The following ZCCHC7 variants were observed in gnomAD, a reference collection of about 807,000 sequenced individuals.
The protein encoded by ZCCHC7 is zinc finger CCHC domain-containing protein 7.
Under a neutral mutation model 52.0 loss-of-function variants are expected in ZCCHC7, and 35 were observed. The observed-to-expected ratio is 0.67, with a 90% confidence interval of 0.51 to 0.89. The LOEUF (loss-of-function observed/expected upper bound fraction) is 0.89. ZCCHC7 is among the 40% of genes least tolerant of loss of function. ZCCHC7 has a pLI of 0.00. For synonymous variants in ZCCHC7, 217 were observed against 221.5 expected, an observed-to-expected ratio of 0.98 and a Z score of 0.18; for missense variants, 574 against 649.1, an observed-to-expected ratio of 0.88 and a Z score of 1.26.
intron 2 of ZCCHC7, among the ~76,000 whole-genome samples, chr9:37,267,537 C>T (rs1320404867): frequency 6.6e-6 from 1 of 150,402 alleles, no homozygotes; most frequent in East Asian, 1.9e-4. Flanking sequence ...TCCTGGGTAG[C>T]TGGGACTACC....
Position 37,123,490 on chromosome 9 carries a change from T to G in ZCCHC7, c.-21-2822T>G, listed in dbSNP as rs555688908. On this transcript the variant is annotated intron_variant, in intron 1 of 8. Coordinates refer to ENST00000336755, the MANE Select transcript of ZCCHC7 (RefSeq NM_032226.3). The stretch of plus-strand genomic sequence containing the variant: ...TTTTTCTACATTTCAGGGAAAGAGA[T>G]AAATCCTTTGACCCAAGGAAGTCAG... 3.9e-5 allele frequency among the ~76,000 whole-genome samples: 6 copies of G among 152,344 alleles called. No individual in the cohort carries two copies. In the South Asian group the frequency reaches 1.2e-3, roughly 32 times the overall value.
chr9:37,317,133 T>C (rs1829858307), intron 5 of ZCCHC7, among the ~76,000 whole-genome samples: 1 of 152,170 alleles, frequency 6.6e-6, no homozygotes, highest in Non-Finnish European at 1.5e-5. Context: ...AAAAGACCCA[T>C]AGTGAAATTT....
intron 2 of ZCCHC7, among the ~76,000 whole-genome samples, chr9:37,230,638 C>T (rs1825354987): frequency 6.6e-6 from 1 of 151,936 alleles, no homozygotes; most frequent in African/African-American, 2.4e-5. Context: ...TATTTTTTCT[C>T]TCCATTGGAA....
chr9:37,226,299 G>A (rs1428727665), intron 2 of ZCCHC7, among the ~76,000 whole-genome samples: 4 of 152,062 alleles, frequency 2.6e-5, no homozygotes, highest in South Asian at 2.1e-4. Context: ...CTAAATAAAT[G>A]GAGAGTTATA....
chr9:37,203,319 T>TA (rs1171960810), intron 2 of ZCCHC7, among the ~76,000 whole-genome samples: 1 of 152,222 alleles, frequency 6.6e-6, no homozygotes, highest in Non-Finnish European at 1.5e-5. Context: ...ATTTTTTTTT[T>TA]ACTTTAAGTA....
intron 5 of ZCCHC7, among the ~76,000 whole-genome samples, chr9:37,311,420 T>TTA (rs201339451): frequency 0.012 from 1,899 of 152,242 alleles, 40 homozygotes; most frequent in African/African-American, 0.043. Flanking sequence ...ATTTATTTAT[T>TTA]TTTATTTTTA....
chr9:37,338,918 G>A (rs867463556), intron 6 of ZCCHC7, among the ~76,000 whole-genome samples: 1 of 151,978 alleles, frequency 6.6e-6, no homozygotes, highest in South Asian at 2.1e-4. Context: ...GTAATCACCC[G>A]ATAGACTAGA....
chr9:37,308,084 AT>A (rs1829416899), intron 5 of ZCCHC7, among the ~76,000 whole-genome samples: 1 of 152,118 alleles, frequency 6.6e-6, no homozygotes, highest in Non-Finnish European at 1.5e-5. Context: ...ATGATATTTT[AT>A]TGTTTTAATT....
At chr9:37,241,136 G>GT (rs1270466861) in intron 2 of ZCCHC7, among the ~76,000 whole-genome samples, 2 of 151,570 alleles carry the variant, frequency 1.3e-5, no homozygotes, top group Non-Finnish European at 3.0e-5. Context: ...TATTTTTCTT[G>GT]TTTTTTATTT....
intron 2 of ZCCHC7, among the ~76,000 whole-genome samples, chr9:37,190,023 C>G (rs1293897630): frequency 6.6e-6 from 1 of 152,228 alleles, no homozygotes; most frequent in African/African-American, 2.4e-5. Context: ...TAATCCTCCC[C>G]TCTTTATACT....
chr9:37,337,644 T>A (rs924471340), intron 6 of ZCCHC7, among the ~76,000 whole-genome samples: 6 of 152,110 alleles, frequency 3.9e-5, no homozygotes, highest in Admixed American at 2.6e-4. Context: ...ATTGCTTATT[T>A]ATGCAGTCCA....
chr9:37,130,235 CAAAAAAAA>C (rs33929421), intron 2 of ZCCHC7, among the ~76,000 whole-genome samples: 1 of 104,288 alleles, frequency 9.6e-6, no homozygotes, highest in Non-Finnish European at 2.0e-5. Context: ...GAGACTGTCT[CAAAAAAAA>C]AAAAAAAAAG....
intron 2 of ZCCHC7, among the ~76,000 whole-genome samples, chr9:37,160,857 T>C (rs2132898748): frequency 6.6e-6 from 1 of 152,100 alleles, no homozygotes; most frequent in Non-Finnish European, 1.5e-5. Context: ...TTGCACTCTA[T>C]CCTAGGCGAC....
At chr9:37,181,296 T>G (rs1439464030) in intron 2 of ZCCHC7, among the ~76,000 whole-genome samples, 3 of 152,198 alleles carry the variant, frequency 2.0e-5, no homozygotes, top group Non-Finnish European at 4.4e-5. Flanking sequence ...AGAGCAGCCT[T>G]TACCTAAGGA....
At chr9:37,136,338 A>G (rs1181613178) in intron 2 of ZCCHC7, among the ~76,000 whole-genome samples, 1 of 152,240 alleles carries the variant, frequency 6.6e-6, no homozygotes, top group Non-Finnish European at 1.5e-5. Flanking sequence ...AAAAGTCTTC[A>G]TAGTTACACG....
chr9:37,185,269 A>T (rs1351784735), intron 2 of ZCCHC7, among the ~76,000 whole-genome samples: 1 of 152,108 alleles, frequency 6.6e-6, no homozygotes, highest in African/African-American at 2.4e-5. Flanking sequence ...CCTATCCCTT[A>T]GGAGTTGTGA....
At chr9:37,203,415 T>C (rs142812970) in intron 2 of ZCCHC7, among the ~76,000 whole-genome samples, 1,773 of 152,290 alleles carry the variant, frequency 0.012, 36 homozygotes, top group African/African-American at 0.041. Context: ...ACCTGTCATC[T>C]AGGTTTTAAG....
Position 37,327,830 on chromosome 9 carries a change from T to C in ZCCHC7, c.983T>C (p.Leu328Pro). Residue 328 changes from leucine (L) to proline (P), a missense_variant, in exon 6 of 9, where the codon CTA (leucine) becomes CCA (proline). This residue lies in a region of ZCCHC7 where 403 missense variants were observed against 461.2 expected (regional missense o/e 0.87). Coordinates refer to ENST00000336755, the MANE Select transcript of ZCCHC7 (RefSeq NM_032226.3). Reference protein sequence around the residue: ...ACTEIWRQYHLTTKPGPPKKP... With the variant: ...ACTEIWRQYHPTTKPGPPKKP... ...ACAGAAATCTGGAGGCAGTATCACC[T>C]AACGGTGAGTAGAAACACCTTTTTT... The C allele has an allele frequency of 6.2e-7, 1 of 1,613,056 alleles. No homozygotes were observed.
At chr9:37,137,208 TATATG>T (rs902406434) in intron 2 of ZCCHC7, among the ~76,000 whole-genome samples, 64 of 152,258 alleles carry the variant, frequency 4.2e-4, no homozygotes, top group South Asian at 2.3e-3. Flanking sequence ...TTTCTACAAA[TATATG>T]AGATGCTCCA....
Sources: allele counts gnomAD v4.1 joint callset (sites outside exome capture counted in the v4.1 genomes callset), GRCh38; gene constraint gnomAD v4.1.1; regional missense constraint gnomAD v4.1.1; transcripts MANE v1.5; gene names NCBI Gene and HGNC (gene_info 2026-07-23, HGNC 2026-07-21).